STXBP5: variants seen among roughly 807,000 people sequenced by gnomAD.
The protein encoded by STXBP5 is syntaxin-binding protein 5.
Under a neutral mutation model 152.4 loss-of-function variants are expected in STXBP5, and 50 were observed. That is an observed-to-expected ratio of 0.33 (90% CI 0.26 to 0.42). The LOEUF is 0.42. Ranked by LOEUF, STXBP5 falls within the 10% of genes least tolerant of loss-of-function variation. The probability of loss-of-function intolerance (pLI) is 1.00; values close to 1 mark genes in which losing one functional copy is unlikely to be tolerated. For synonymous variants in STXBP5, 492 were observed against 494.7 expected (o/e 0.99, Z 0.07); for missense variants, 1,167 against 1,388.6 (o/e 0.84, Z 2.54).
chr6:147,349,382 G>T (rs1784487764), intron 21 of STXBP5, among the ~76,000 whole-genome samples: 1 of 152,238 alleles, frequency 6.6e-6, no homozygotes, highest in African/African-American at 2.4e-5. Context: ...GGGGTGAGTG[G>T]TAATGTTCTT....
At chr6:147,314,227 C>G in intron 12 of STXBP5, 37 bp from the exon 13 acceptor site, 1 of 1,543,132 alleles carries the variant, frequency 6.5e-7, no homozygotes, top group Non-Finnish European at 9.0e-7. Flanking sequence ...ATGTAGTATG[C>G]TTGCAAGTTG....
rs541442730 is a variant in STXBP5, at chr6:147,387,281, G to T, written c.*2526G>T. ...TTCTTTTTAAATACAGAAAGTAATA[G>T]TCACCAGCAAGCCACGATTTCAGGA... On this transcript the variant is annotated 3_prime_UTR_variant, in exon 28 of 28. Coordinates refer to ENST00000321680, the MANE Select transcript of STXBP5 (RefSeq NM_001127715.4). 6.6e-6 allele frequency: 1 copy of T among 151,380 alleles called. No homozygotes were observed. Among genetic ancestry groups the T allele is most frequent in the Admixed American group, 6.6e-5 (1 of 15,192 alleles). 9.4% of individuals were successfully genotyped at this position (151,380 alleles called of 1,614,324 possible).
At chr6:147,380,960 A>G (rs1212603635) in intron 26 of STXBP5, among the ~76,000 whole-genome samples, 2 of 152,158 alleles carry the variant, frequency 1.3e-5, no homozygotes, top group Non-Finnish European at 2.9e-5. Flanking sequence ...ATGGCTGGCG[A>G]GACCTCACAA....
chr6:147,305,262 A>T (rs1449096978), intron 9 of STXBP5, among the ~76,000 whole-genome samples: 1 of 151,938 alleles, frequency 6.6e-6, no homozygotes, highest in Non-Finnish European at 1.5e-5. Context: ...CAACAAATTT[A>T]AAAAAAAATT....
intron 9 of STXBP5, among the ~76,000 whole-genome samples, chr6:147,301,782 T>C (rs889777418): frequency 6.6e-6 from 1 of 152,194 alleles, no homozygotes; most frequent in Admixed American, 6.5e-5. Context: ...TATAATAAAC[T>C]AGTGGATAAT....
intron 26 of STXBP5, among the ~76,000 whole-genome samples, chr6:147,381,843 C>T (rs867233984): frequency 3.3e-5 from 5 of 152,012 alleles, no homozygotes; most frequent in African/African-American, 1.2e-4. Flanking sequence ...TTTATGGAAA[C>T]AGAGAGTAGA....
chr6:147,321,428 A>C (rs1260644425), intron 16 of STXBP5, among the ~76,000 whole-genome samples: 1 of 152,084 alleles, frequency 6.6e-6, no homozygotes, highest in African/African-American at 2.4e-5. Flanking sequence ...CTCTACAATA[A>C]AGTTTTTTAA....
chr6:147,360,500 A>T (rs1785015043), intron 23 of STXBP5, among the ~76,000 whole-genome samples: 1 of 152,084 alleles, frequency 6.6e-6, no homozygotes, highest in South Asian at 2.1e-4. Context: ...AAACTTTGGG[A>T]TCTTGTGTAA....
chr6:147,215,863 T>C (rs1777139949), intron 2 of STXBP5, among the ~76,000 whole-genome samples: 1 of 152,176 alleles, frequency 6.6e-6, no homozygotes, highest in African/African-American at 2.4e-5. Context: ...AGCTCAATTA[T>C]TGAAGTGTTT....
At chr6:147,268,201 C>A (rs1228225674) in intron 7 of STXBP5, among the ~76,000 whole-genome samples, 3 of 152,140 alleles carry the variant, frequency 2.0e-5, no homozygotes, top group African/African-American at 7.2e-5. Context: ...CAACTTTGGT[C>A]AGTGTACCTC....
At chr6:147,308,100 T>C (rs1315886159) in intron 9 of STXBP5, among the ~76,000 whole-genome samples, 2 of 152,214 alleles carry the variant, frequency 1.3e-5, no homozygotes, top group African/African-American at 4.8e-5. Context: ...TCTTCCATTC[T>C]AAAAATTTAA....
At chr6:147,213,271 CT>C (rs1245892684) in intron 2 of STXBP5, among the ~76,000 whole-genome samples, 269 of 142,540 alleles carry the variant, frequency 1.9e-3, no homozygotes, top group Middle Eastern at 3.8e-3. Context: ...TTTTTTCTTT[CT>C]TTTTTTTTTT....
chr6:147,330,660 T>C (rs1783522795), intron 18 of STXBP5, among the ~76,000 whole-genome samples: 1 of 152,224 alleles, frequency 6.6e-6, no homozygotes, highest in African/African-American at 2.4e-5. Flanking sequence ...AAATCAATTT[T>C]ACTTTTTTAA....
chr6:147,376,474 G>A (rs1266268521), intron 26 of STXBP5, among the ~76,000 whole-genome samples: 1 of 152,106 alleles, frequency 6.6e-6, no homozygotes. Context: ...GGTAATAAAT[G>A]TAGGCAGAAT....
chr6:147,335,359 A>C (rs1366817227), intron 19 of STXBP5, among the ~76,000 whole-genome samples: 1 of 152,208 alleles, frequency 6.6e-6, no homozygotes, highest in Admixed American at 6.5e-5. Flanking sequence ...TTCTAACTAC[A>C]TAAAATAATG....
chr6:147,251,659 G>A (rs1779103568), intron 4 of STXBP5, among the ~76,000 whole-genome samples: 1 of 152,324 alleles, frequency 6.6e-6, no homozygotes, highest in Admixed American at 6.5e-5. Context: ...AGCTGTGGGC[G>A]CAGCTTCAGC....
intron 26 of STXBP5, among the ~76,000 whole-genome samples, chr6:147,375,397 A>AT (rs1785759540): frequency 1.3e-5 from 2 of 152,146 alleles, no homozygotes; most frequent in Admixed American, 1.3e-4. Flanking sequence ...AAAAACTAGA[A>AT]TTAAAAACCC....
At chr6:147,230,888 A>G (rs1777968744) in intron 2 of STXBP5, among the ~76,000 whole-genome samples, 1 of 151,828 alleles carries the variant, frequency 6.6e-6, no homozygotes, top group African/African-American at 2.4e-5. Flanking sequence ...ATGTAGTAGT[A>G]TTGTAATTGA....
In STXBP5 at chr6:147,246,312, A is replaced by G. The variant is rs114301439; in HGVS notation, c.431+7042A>G. ...TATAGTATGACCAGTATTCTCAATC[A>G]TGTTAAGTTTTTGCATAAGTTTATA... is the stretch of plus-strand genomic sequence containing the variant. On this transcript the variant is annotated intron_variant, in intron 4 of 27. Coordinates refer to ENST00000321680, the MANE Select transcript of STXBP5 (RefSeq NM_001127715.4). 8.5e-3 allele frequency among the ~76,000 whole-genome samples: 1,298 copies of G among 152,238 alleles called. 15 individuals carry two copies. Among genetic ancestry groups the G allele is most frequent in the African/African-American group, 0.028 (1,156 of 41,524 alleles).
Sources: allele counts gnomAD v4.1 joint callset (sites outside exome capture counted in the v4.1 genomes callset), GRCh38; gene constraint gnomAD v4.1.1; transcripts MANE v1.5; gene names NCBI Gene and HGNC (gene_info 2026-07-23, HGNC 2026-07-21).